Variants in NRXN3 observed in about 807,000 individuals in gnomAD.
The protein encoded by NRXN3 is neurexin III.
NRXN3 carries 32 observed loss-of-function variants against 137.6 expected under a neutral mutation model. The observed-to-expected ratio is 0.23, with a 90% CI of 0.18 to 0.31. The LOEUF (loss-of-function observed/expected upper bound fraction) is 0.31. Among genes scored for constraint, NRXN3 ranks in the 10% least tolerant of loss-of-function variants. The pLI, the probability that NRXN3 is intolerant of heterozygous loss-of-function variation, is 1.00. For synonymous variants in NRXN3, 798 were observed against 784.5 expected, an observed-to-expected ratio of 1.02 and a Z score of -0.29; for missense variants, 1,574 against 2,062.5, an observed-to-expected ratio of 0.76 and a Z score of 4.59.
intron 4 of NRXN3, among the ~76,000 whole-genome samples, chr14:78,451,516 A>G (rs1402624880): frequency 1.3e-5 from 2 of 152,248 alleles, no homozygotes; most frequent in South Asian, 2.1e-4. Flanking sequence ...GCTTGGAACC[A>G]GGATGGCCTA....
At chr14:78,368,691 A>G (rs576142410) in intron 4 of NRXN3, among the ~76,000 whole-genome samples, 13 of 152,318 alleles carry the variant, frequency 8.5e-5, no homozygotes, top group African/African-American at 2.9e-4. Context: ...GCAAAGATCC[A>G]TCTCAAAGAA....
At chr14:79,206,380 C>T (rs2066789657) in intron 15 of NRXN3, among the ~76,000 whole-genome samples, 1 of 152,176 alleles carries the variant, frequency 6.6e-6, no homozygotes, top group South Asian at 2.1e-4. Flanking sequence ...AGAGAGCAGG[C>T]TGTAGAATCA....
At chr14:78,582,994 T>C (rs1036099730) in intron 4 of NRXN3, among the ~76,000 whole-genome samples, 1 of 152,164 alleles carries the variant, frequency 6.6e-6, no homozygotes, top group Admixed American at 6.5e-5. Context: ...TAAATGGAAT[T>C]GGCTGGAATG....
intron 19 of NRXN3, among the ~76,000 whole-genome samples, chr14:79,763,401 T>C (rs1568158368): frequency 1.3e-5 from 2 of 151,730 alleles, no homozygotes; most frequent in African/African-American, 4.9e-5. Flanking sequence ...GTAGAATGAT[T>C]TATAATCCTT....
At chr14:79,782,065 AC>A (rs537232105) in intron 19 of NRXN3, among the ~76,000 whole-genome samples, 3 of 152,302 alleles carry the variant, frequency 2.0e-5, no homozygotes, top group Admixed American at 2.0e-4. Context: ...GATTCTTTCC[AC>A]AGCTTGAAAA....
chr14:78,630,571 CTCT>C (rs1171508203), intron 4 of NRXN3, among the ~76,000 whole-genome samples: 1 of 150,940 alleles, frequency 6.6e-6, no homozygotes, highest in Non-Finnish European at 1.5e-5. Flanking sequence ...ATGTACTACA[CTCT>C]TCTTATTTTT....
At chr14:78,191,583 G>C (rs1281535606) in intron 1 of NRXN3, among the ~76,000 whole-genome samples, 1 of 152,188 alleles carries the variant, frequency 6.6e-6, no homozygotes, top group East Asian at 1.9e-4. Flanking sequence ...CTGATCTAGA[G>C]TTGCTTGGCT....
intron 16 of NRXN3, among the ~76,000 whole-genome samples, chr14:79,609,643 G>A (rs991919798): frequency 2.6e-5 from 4 of 152,116 alleles, no homozygotes; most frequent in Non-Finnish European, 2.9e-5. Flanking sequence ...TTATCACTAC[G>A]TAGAGTAAAA....
At chr14:79,758,421 G>A (rs561469655) in intron 19 of NRXN3, among the ~76,000 whole-genome samples, 6 of 152,030 alleles carry the variant, frequency 3.9e-5, no homozygotes, top group African/African-American at 1.4e-4. Context: ...GCAAGAGAGA[G>A]GATAGGAGGT....
At chr14:79,280,031 A>G (rs1430856579) in intron 15 of NRXN3, 2 of 1,279,168 alleles carry the variant, frequency 1.6e-6, no homozygotes. Flanking sequence ...GAGGTTTGCT[A>G]TACCTGGGAG....
intron 8 of NRXN3, among the ~76,000 whole-genome samples, chr14:78,715,517 T>C (rs1028772421): frequency 1.3e-5 from 2 of 152,230 alleles, no homozygotes; most frequent in Non-Finnish European, 2.9e-5. Flanking sequence ...TGGGTTAGGC[T>C]TTAGAAATAC....
intron 10 of NRXN3, among the ~76,000 whole-genome samples, chr14:78,832,493 G>A (rs772968983): frequency 1.3e-5 from 2 of 152,176 alleles, no homozygotes; most frequent in Admixed American, 6.5e-5. Flanking sequence ...AAGCATGAAA[G>A]TGTAGCTTAG....
At chr14:79,286,468 A>G (rs1415830755) in intron 15 of NRXN3, among the ~76,000 whole-genome samples, 4 of 151,154 alleles carry the variant, frequency 2.6e-5, no homozygotes, top group African/African-American at 4.8e-5. Flanking sequence ...ATCTGAAAAT[A>G]TAAATATGAG....
intron 11 of NRXN3, among the ~76,000 whole-genome samples, chr14:78,965,224 G>A (rs1458110357): frequency 6.6e-6 from 1 of 152,140 alleles, no homozygotes; most frequent in African/African-American, 2.4e-5. Flanking sequence ...CAGTTCTAAG[G>A]GTGGTCCCTA....
intron 11 of NRXN3, among the ~76,000 whole-genome samples, chr14:78,963,230 G>A (rs538335752): frequency 1.3e-5 from 2 of 151,862 alleles, no homozygotes; most frequent in South Asian, 4.2e-4. Flanking sequence ...CCTCAATCCT[G>A]GAGATCAATT....
chr14:78,252,755 T>C (rs1567085623), intron 2 of NRXN3, among the ~76,000 whole-genome samples: 1 of 152,240 alleles, frequency 6.6e-6, no homozygotes, highest in Non-Finnish European at 1.5e-5. Context: ...GGAAATGTGT[T>C]GCCTGCAGCT....
intron 15 of NRXN3, among the ~76,000 whole-genome samples, chr14:79,365,719 C>T (rs1176873059): frequency 4.3e-5 from 2 of 46,810 alleles, no homozygotes; most frequent in Admixed American, 3.8e-4. Context: ...GAGCGAGACT[C>T]TGTCTCAAAA....
chr14:79,619,044 A>C (rs745668822), intron 16 of NRXN3, among the ~76,000 whole-genome samples: 1 of 151,846 alleles, frequency 6.6e-6, no homozygotes, highest in Non-Finnish European at 1.5e-5. Context: ...CCTATTTTTA[A>C]TGGAGTTATT....
chr14:78,591,745 T>G (rs1053177851), intron 4 of NRXN3, among the ~76,000 whole-genome samples: 1 of 152,206 alleles, frequency 6.6e-6, no homozygotes, highest in Non-Finnish European at 1.5e-5. Context: ...TTCTACCCAG[T>G]GCCTATAAGA....
Sources: allele counts gnomAD v4.1 joint callset (sites outside exome capture counted in the v4.1 genomes callset), GRCh38; gene constraint gnomAD v4.1.1; transcripts MANE v1.5; gene names NCBI Gene and HGNC (gene_info 2026-07-23, HGNC 2026-07-21).